ARFIP1: variants seen among roughly 807,000 people sequenced by gnomAD.
ARFIP1 encodes ARF interacting protein 1, also known as arfaptin-1.
In ARFIP1, 24 loss-of-function variants were observed where a neutral mutation model predicts 42.5. That is an observed-to-expected ratio of 0.57 (90% confidence interval 0.41 to 0.80). The LOEUF (loss-of-function observed/expected upper bound fraction) is 0.80, where lower values mean the gene tolerates loss of function less well. Ranked by LOEUF, ARFIP1 falls within the 30% of genes least tolerant of loss-of-function variation. ARFIP1 has a pLI of 0.00. For missense variants in ARFIP1, 354 were observed against 434.0 expected, an observed-to-expected ratio of 0.82 and a Z score of 1.64; for synonymous variants, 141 against 153.7, an observed-to-expected ratio of 0.92 and a Z score of 0.61.
intron 2 of ARFIP1, among the ~76,000 whole-genome samples, chr4:152,840,317 T>C (rs530617493): frequency 1.2e-3 from 180 of 152,340 alleles, no homozygotes; most frequent in African/African-American, 4.2e-3. Flanking sequence ...ACCTTCTATC[T>C]TGATGACCTG....
At chr4:152,825,306 A>G (rs988115807) in intron 1 of ARFIP1, among the ~76,000 whole-genome samples, 3 of 152,208 alleles carry the variant, frequency 2.0e-5, no homozygotes, top group Non-Finnish European at 4.4e-5. Flanking sequence ...AAACTATACT[A>G]TAAGGCTATA....
At chr4:152,879,163 A>G (rs1450089451) in intron 5 of ARFIP1, among the ~76,000 whole-genome samples, 1 of 151,866 alleles carries the variant, frequency 6.6e-6, no homozygotes, top group Non-Finnish European at 1.5e-5. Flanking sequence ...CTCTACTTTT[A>G]AAAAATAACA....
chr4:152,850,739 G>C (rs1009217082), intron 2 of ARFIP1: 1 of 152,154 alleles, frequency 6.6e-6, no homozygotes, highest in Non-Finnish European at 1.5e-5. Context: ...TTTGAGAACT[G>C]GTTGTTTAGA....
At chr4:152,901,844 TC>T (rs1284852278) in intron 8 of ARFIP1, among the ~76,000 whole-genome samples, 1 of 152,254 alleles carries the variant, frequency 6.6e-6, no homozygotes, top group African/African-American at 2.4e-5. Flanking sequence ...TTTATTTCTT[TC>T]GTCTGCTCCA....
At chr4:152,793,828 A>T (rs1030677187) in intron 1 of ARFIP1, among the ~76,000 whole-genome samples, 1 of 152,154 alleles carries the variant, frequency 6.6e-6, no homozygotes, top group African/African-American at 2.4e-5. Context: ...CGGTCAAATG[A>T]TAACTCCTAT....
chr4:152,859,545 C>G (rs1733710499), intron 2 of ARFIP1, among the ~76,000 whole-genome samples: 1 of 152,104 alleles, frequency 6.6e-6, no homozygotes, highest in South Asian at 2.1e-4. Context: ...ATGACTGTTT[C>G]AAAGACCAGT....
chr4:152,876,306 A>G (rs1396788226), intron 5 of ARFIP1, among the ~76,000 whole-genome samples: 1 of 152,236 alleles, frequency 6.6e-6, no homozygotes. Context: ...GATATGGACA[A>G]TAAAATCCAG....
chr4:152,791,166 A>C (rs926560168), intron 1 of ARFIP1, among the ~76,000 whole-genome samples: 2 of 152,174 alleles, frequency 1.3e-5, no homozygotes, highest in African/African-American at 2.4e-5. Context: ...GAATAATGTA[A>C]GTTATTCTGT....
intron 3 of ARFIP1, among the ~76,000 whole-genome samples, chr4:152,864,747 G>A (rs1281094352): frequency 6.6e-6 from 1 of 152,110 alleles, no homozygotes; most frequent in Non-Finnish European, 1.5e-5. Context: ...TGGCAATGGA[G>A]GAAATCCTCC....
intron 1 of ARFIP1, among the ~76,000 whole-genome samples, chr4:152,801,090 G>A (rs946421047): frequency 6.6e-6 from 1 of 152,140 alleles, no homozygotes; most frequent in Admixed American, 6.5e-5. Flanking sequence ...TGAGGAGTCG[G>A]CTTTTACATT....
At position 152,824,932 on chromosome 4, in the gene ARFIP1, C is replaced by T. The variant is rs528605063; in HGVS notation, c.-9-4693C>T. On this transcript the variant is annotated intron_variant, in intron 1 of 8. Coordinates refer to ENST00000353617, the MANE Select transcript of ARFIP1 (RefSeq NM_001025595.3). ...GAGAATCAACTCAGTAACTCAATTCCTTTTACAATTGATATATATATACAC... is the reference window on the plus strand; with the variant it reads ...GAGAATCAACTCAGTAACTCAATTCTTTTTACAATTGATATATATATACAC... Among the ~76,000 whole-genome samples the T allele has an allele frequency of 2.7e-3, 413 of 151,854 alleles. 3 individuals carry two copies. Among genetic ancestry groups the T allele is most frequent in the African/African-American group, 9.7e-3 (401 of 41,434 alleles).
intron 2 of ARFIP1, among the ~76,000 whole-genome samples, chr4:152,840,213 T>C (rs1731952293): frequency 6.6e-6 from 1 of 152,216 alleles, no homozygotes; most frequent in Admixed American, 6.5e-5. Context: ...TTGAATAGAA[T>C]GTGTATTCTG....
At chr4:152,796,292 GT>G in intron 1 of ARFIP1, 1 of 996,168 alleles carries the variant, frequency 1.0e-6, no homozygotes. Context: ...TTCAGGTTGT[GT>G]TACATGGACT....
rs80336076 is a variant in ARFIP1 at position 152,833,139 on chromosome 4, A to G, written c.93+3413A>G. On this transcript the variant is annotated intron_variant, in intron 2 of 8. Coordinates refer to ENST00000353617, the MANE Select transcript of ARFIP1 (RefSeq NM_001025595.3). Reference sequence around the variant, plus strand: ...ATGGGAGAAAATATTTGTAAACCATATATCTGATAAAGTGTTAATATCCAA... The same window carrying G: ...ATGGGAGAAAATATTTGTAAACCATGTATCTGATAAAGTGTTAATATCCAA... Among the ~76,000 whole-genome samples the G allele has an allele frequency of 4.5e-3, 682 of 152,214 alleles. 4 individuals carry two copies. Among genetic ancestry groups the G allele is most frequent in the African/African-American group, 0.015 (629 of 41,552 alleles).
chr4:152,860,430 T>C (rs2149874248), intron 2 of ARFIP1, among the ~76,000 whole-genome samples: 1 of 152,060 alleles, frequency 6.6e-6, no homozygotes, highest in Non-Finnish European at 1.5e-5. Flanking sequence ...ACATTTTCAC[T>C]GATGTCCAAA....
At chr4:152,905,242 T>C (rs1738213391) in intron 8 of ARFIP1, among the ~76,000 whole-genome samples, 1 of 152,246 alleles carries the variant, frequency 6.6e-6, no homozygotes, top group African/African-American at 2.4e-5. Context: ...AGTAGCTGCA[T>C]GTAAGGTTTT....
intron 1 of ARFIP1, among the ~76,000 whole-genome samples, chr4:152,794,985 A>G (rs943583394): frequency 6.6e-6 from 1 of 152,090 alleles, no homozygotes; most frequent in Non-Finnish European, 1.5e-5. Flanking sequence ...TGTGGAAATT[A>G]CTATGGTTCT....
chr4:152,802,518 C>T (rs543436586), intron 1 of ARFIP1, among the ~76,000 whole-genome samples: 1 of 152,168 alleles, frequency 6.6e-6, no homozygotes, highest in East Asian at 1.9e-4. Flanking sequence ...TTTCAAATAA[C>T]TTTAAAAAAA....
Position 152,911,153 on chromosome 4 carries a change from T to G in ARFIP1, c.*934T>G, listed in dbSNP as rs1027839019. 1 of 152,666 alleles carries G rather than the reference T, an allele frequency of 6.6e-6. No individual in the cohort carries two copies. The highest frequency in any genetic ancestry group is 1.5e-5 in the Non-Finnish European group (1 of 68,034). 9.5% of individuals were successfully genotyped at this position (152,666 alleles called of 1,614,324 possible). A position where few individuals can be genotyped will look rare whatever the true frequency, so the allele number is the denominator to read the frequency against. ...GTGCCTTCTCAGATACAGTAATTCT[T>G]GTTCAACCAATGTACAAAATCCATA... is the stretch of plus-strand genomic sequence containing the variant. On this transcript the variant is annotated 3_prime_UTR_variant, in exon 9 of 9. Coordinates refer to ENST00000353617, the MANE Select transcript of ARFIP1 (RefSeq NM_001025595.3).
Sources: gnomAD v4.1 joint callset for allele counts (sites outside exome capture counted in the v4.1 genomes callset) on GRCh38, gnomAD v4.1.1 for gene constraint, MANE v1.5 for transcripts, NCBI Gene and HGNC (gene_info 2026-07-23, HGNC 2026-07-21) for gene names.